Variants in ANKS1B observed in about 807,000 individuals in gnomAD.
ANKS1B encodes the protein ankyrin repeat and sterile alpha motif domain-containing protein 1B.
Under a neutral mutation model 148.3 loss-of-function variants are expected in ANKS1B, and 36 were observed. The ratio of observed to expected loss-of-function variants is 0.24; its 90% confidence interval spans 0.19 to 0.32. The LOEUF (loss-of-function observed/expected upper bound fraction) is 0.32. ANKS1B is among the 10% of genes least tolerant of loss of function. The pLI, the probability that ANKS1B is intolerant of heterozygous loss-of-function variation, is 1.00. For missense variants in ANKS1B, 1,157 were observed against 1,542.6 expected (o/e 0.75, Z 4.19); for synonymous variants, 542 against 560.8 (o/e 0.97, Z 0.47).
At chr12:98,858,695 G>T (rs749815964) in intron 17 of ANKS1B, among the ~76,000 whole-genome samples, 1 of 152,132 alleles carries the variant, frequency 6.6e-6, no homozygotes. Flanking sequence ...AGAACAGGCT[G>T]GGGTTAGAGT....
At chr12:99,651,810 A>T (rs2098421329) in intron 9 of ANKS1B, among the ~76,000 whole-genome samples, 1 of 152,038 alleles carries the variant, frequency 6.6e-6, no homozygotes, top group African/African-American at 2.4e-5. Context: ...AAAAAGATTT[A>T]AAAATTACCA....
At chr12:99,110,464 AG>A (rs1460020779) in intron 15 of ANKS1B, among the ~76,000 whole-genome samples, 2 of 152,230 alleles carry the variant, frequency 1.3e-5, no homozygotes, top group African/African-American at 4.8e-5. Flanking sequence ...CTGTGGAGAC[AG>A]AAGTGGTAGC....
At chr12:98,936,141 T>C (rs892604955) in intron 17 of ANKS1B, among the ~76,000 whole-genome samples, 1 of 152,208 alleles carries the variant, frequency 6.6e-6, no homozygotes, top group African/African-American at 2.4e-5. Context: ...AGAACATCTA[T>C]TGAGAGTTTA....
intron 12 of ANKS1B, among the ~76,000 whole-genome samples, chr12:99,294,170 C>T (rs2080482046): frequency 6.6e-6 from 1 of 152,156 alleles, no homozygotes; most frequent in African/African-American, 2.4e-5. Flanking sequence ...AATCCCAGTG[C>T]TAGTTATATA....
At chr12:98,945,684 A>G (rs1206556949) in intron 17 of ANKS1B, among the ~76,000 whole-genome samples, 1 of 152,082 alleles carries the variant, frequency 6.6e-6, no homozygotes, top group African/African-American at 2.4e-5. Flanking sequence ...TTTTGCATTC[A>G]TTCCTCAATA....
intron 9 of ANKS1B, among the ~76,000 whole-genome samples, chr12:99,539,014 T>A (rs1313397234): frequency 2.0e-5 from 3 of 152,198 alleles, no homozygotes; most frequent in Non-Finnish European, 4.4e-5. Context: ...TTTTTATCCT[T>A]CATTCTGTTG....
At chr12:99,477,523 A>C (rs1055503889) in intron 10 of ANKS1B, among the ~76,000 whole-genome samples, 1 of 152,144 alleles carries the variant, frequency 6.6e-6, no homozygotes, top group Admixed American at 6.5e-5. Context: ...CTTAACTAGC[A>C]ATGCCACCTT....
At chr12:99,047,602 C>T (rs894729347) in intron 17 of ANKS1B, among the ~76,000 whole-genome samples, 3 of 151,952 alleles carry the variant, frequency 2.0e-5, no homozygotes, top group African/African-American at 7.3e-5. Context: ...AAAAACTGAC[C>T]CATTATGTAT....
At chr12:99,966,219 T>A (rs898670884) in intron 1 of ANKS1B, among the ~76,000 whole-genome samples, 4 of 152,208 alleles carry the variant, frequency 2.6e-5, no homozygotes, top group Admixed American at 6.5e-5. Flanking sequence ...TTAATTTTCT[T>A]ATTTTAGTGA....
chr12:99,047,737 T>G (rs1346445882), intron 17 of ANKS1B, among the ~76,000 whole-genome samples: 1 of 152,158 alleles, frequency 6.6e-6, no homozygotes, highest in Non-Finnish European at 1.5e-5. Flanking sequence ...GTTTCATGAA[T>G]GAAGGCAAAA....
intron 11 of ANKS1B, among the ~76,000 whole-genome samples, chr12:99,414,728 C>A (rs532435251): frequency 6.6e-6 from 1 of 152,236 alleles, no homozygotes; most frequent in South Asian, 2.1e-4. Context: ...AAATACCTAA[C>A]GTAAATGATG....
intron 17 of ANKS1B, among the ~76,000 whole-genome samples, chr12:98,971,070 G>C (rs780570946): frequency 6.6e-6 from 1 of 152,204 alleles, no homozygotes; most frequent in Non-Finnish European, 1.5e-5. Flanking sequence ...ATTTAGTCAG[G>C]AGACTTGAGT....
chr12:99,164,675 C>T (rs1056664894), intron 14 of ANKS1B, among the ~76,000 whole-genome samples: 6 of 152,056 alleles, frequency 3.9e-5, no homozygotes, highest in African/African-American at 7.2e-5. Context: ...TTCCTTTCTT[C>T]GTTCTCTTTT....
intron 17 of ANKS1B, among the ~76,000 whole-genome samples, chr12:99,048,266 T>G (rs1455883440): frequency 6.6e-6 from 1 of 152,210 alleles, no homozygotes; most frequent in Non-Finnish European, 1.5e-5. Context: ...AATTTCTGGG[T>G]AATTAGAACA....
At chr12:99,122,880 T>C (rs2372727) in intron 15 of ANKS1B, among the ~76,000 whole-genome samples, 101,315 of 151,478 alleles carry the variant, frequency 0.67, 34,163 homozygotes, top group East Asian at 0.89. Context: ...TATCCATGTG[T>C]CCTTTGCCAA....
At chr12:99,031,474 T>C (rs2099952111) in intron 17 of ANKS1B, among the ~76,000 whole-genome samples, 1 of 152,186 alleles carries the variant, frequency 6.6e-6, no homozygotes, top group African/African-American at 2.4e-5. Flanking sequence ...AGACACACTT[T>C]CCCAGTCTCC....
intron 9 of ANKS1B, among the ~76,000 whole-genome samples, chr12:99,570,390 G>A (rs188353498): frequency 4.3e-4 from 66 of 152,144 alleles, no homozygotes; most frequent in African/African-American, 1.5e-3. Context: ...GCTCACGCCT[G>A]TAATCCCAGC....
intron 12 of ANKS1B, among the ~76,000 whole-genome samples, chr12:99,291,587 C>T (rs905681801): frequency 6.6e-6 from 1 of 152,130 alleles, no homozygotes; most frequent in African/African-American, 2.4e-5. Flanking sequence ...GAAATAAATT[C>T]ACACATGTAC....
chr12:99,901,672 A>G lies in ANKS1B; in HGVS notation c.135-76283T>C, dbSNP rs551577716. Among the ~76,000 whole-genome samples the G allele has an allele frequency of 2.4e-3, 368 of 152,256 alleles. 1 individual carries two copies. Among genetic ancestry groups the G allele is most frequent in the Non-Finnish European group, 4.0e-3 (270 of 68,018 alleles). On this transcript the variant is annotated intron_variant, in intron 1 of 26. Transcript: ENST00000683438. Reference sequence around the variant, plus strand: ...TGAGGTCTCCTTACTCCACTCAACAAAGCCAAAAATGAACATAAGACTGCT... The same window carrying G: ...TGAGGTCTCCTTACTCCACTCAACAGAGCCAAAAATGAACATAAGACTGCT...
Sources: allele counts gnomAD v4.1 joint callset (sites outside exome capture counted in the v4.1 genomes callset), GRCh38; gene constraint gnomAD v4.1.1; transcripts MANE v1.5; gene names NCBI Gene and HGNC (gene_info 2026-07-23, HGNC 2026-07-21).